RCOR1: variants seen among roughly 807,000 people sequenced by gnomAD.
The protein encoded by RCOR1 is REST corepressor.
In RCOR1, 12 loss-of-function variants were observed where a neutral mutation model predicts 64.0. That is an observed-to-expected ratio of 0.19 (90% CI 0.12 to 0.30). The LOEUF is 0.30. RCOR1 is among the 10% of genes least tolerant of loss of function. The pLI is 1.00. For missense variants in RCOR1, 502 were observed against 621.2 expected (o/e 0.81, Z 2.04); for synonymous variants, 279 against 227.2 (o/e 1.23, Z -2.05).
chr14:102,708,320 T>TC, intron 5 of RCOR1, 145 bp from the exon 6 acceptor site: 1 of 566,122 alleles, frequency 1.8e-6, no homozygotes, highest in Non-Finnish European at 3.2e-6. Context: ...CAGGATGGTC[T>TC]CCATCTCCTG....
At chr14:102,627,299 T>C (rs1022297499) in intron 2 of RCOR1, among the ~76,000 whole-genome samples, 1 of 152,222 alleles carries the variant, frequency 6.6e-6, no homozygotes, top group Non-Finnish European at 1.5e-5. Context: ...ATTTGCATCA[T>C]CAAATTTTTC....
At chr14:102,692,155 C>T (rs1441837748) in intron 3 of RCOR1, among the ~76,000 whole-genome samples, 1 of 152,048 alleles carries the variant, frequency 6.6e-6, no homozygotes, top group African/African-American at 2.4e-5. Context: ...TGTTATGAAA[C>T]AAATATTCCC....
At chr14:102,665,839 C>T (rs1160579060) in intron 2 of RCOR1, among the ~76,000 whole-genome samples, 1 of 152,122 alleles carries the variant, frequency 6.6e-6, no homozygotes, top group Admixed American at 6.6e-5. Flanking sequence ...AAGTGGTTAG[C>T]CCAGTTACTG....
chr14:102,716,715 T>C (rs1019555363), intron 8 of RCOR1, among the ~76,000 whole-genome samples: 2 of 151,950 alleles, frequency 1.3e-5, no homozygotes, highest in Non-Finnish European at 2.9e-5. Flanking sequence ...TTGTCCATCC[T>C]TCACCAATAC....
At chr14:102,713,227 T>C (rs1411519533) in intron 7 of RCOR1, among the ~76,000 whole-genome samples, 11 of 151,292 alleles carry the variant, frequency 7.3e-5, no homozygotes, top group Non-Finnish European at 1.5e-4. Context: ...GTGCTGAGAT[T>C]ACAGCCGTGA....
chr14:102,655,524 T>A, intron 2 of RCOR1: 1 of 966,342 alleles, frequency 1.0e-6, no homozygotes, highest in South Asian at 4.8e-5. Context: ...AGGTATCTAT[T>A]AATAGTTCAG....
At chr14:102,657,151 T>TAC (rs10656228) in intron 2 of RCOR1, 313,322 of 984,050 alleles carry the variant, frequency 0.32, 51,901 homozygotes, top group African/African-American at 0.54. Context: ...CCAAAACACA[T>TAC]AGGGTAGAAA....
chr14:102,703,321 C>T (rs1430662288), intron 4 of RCOR1, among the ~76,000 whole-genome samples: 3 of 152,166 alleles, frequency 2.0e-5, no homozygotes, highest in African/African-American at 2.4e-5. Flanking sequence ...CCAAAAATTT[C>T]GCAAATTTGT....
In RCOR1 at chr14:102,653,536, A is replaced by G. The variant is rs114226907; in HGVS notation, c.362-28359A>G. On this transcript the variant is annotated intron_variant, in intron 2 of 11. Transcript: ENST00000262241. ...CCTAAAAGGCTTGTGTTAGATGTTT[A>G]TAGCTGATAGTTGTGGTTTGAATCT... Among the ~76,000 whole-genome samples the G allele has an allele frequency of 9.4e-3, 1,428 of 152,188 alleles. 24 individuals are homozygous for G. Among genetic ancestry groups the G allele is most frequent in the African/African-American group, 0.033 (1,352 of 41,530 alleles).
chr14:102,690,126 G>A (rs910700852), intron 3 of RCOR1, among the ~76,000 whole-genome samples: 3 of 151,700 alleles, frequency 2.0e-5, no homozygotes, highest in African/African-American at 7.3e-5. Context: ...TTAAAGTTGT[G>A]TCAAAAGACA....
chr14:102,706,114 C>CAAAAAAAAAAAAAAAAAAAAAAAA (rs71119732), intron 4 of RCOR1, among the ~76,000 whole-genome samples: 1 of 21,330 alleles, frequency 4.7e-5, no homozygotes, highest in Non-Finnish European at 7.5e-5. Context: ...AACCCTGTCT[C>CAAAAAAAAAAAAAAAAAAAAAAAA]AAAAAAAAAA....
rs968655083 is a variant in RCOR1 at position 102,657,286 on chromosome 14, A to T, written c.362-24609A>T. The stretch of plus-strand genomic sequence containing the variant: ...CCCACCTGTATGTATGCTTTTGGTG[A>T]GTCCTTTTAGGCGATATGTCCTCAT... On this transcript the variant is annotated intron_variant, in intron 2 of 11. Coordinates refer to ENST00000262241, the MANE Select transcript of RCOR1 (RefSeq NM_015156.4). The T allele has an allele frequency of 2.0e-5, 20 of 985,176 alleles. No homozygotes were observed. In the African/African-American group the frequency reaches 3.1e-4, roughly 16 times the overall value. 61.0% of individuals were successfully genotyped at this position (985,176 alleles called of 1,614,324 possible).
chr14:102,723,853 C>CTA (rs1255808438), intron 11 of RCOR1, among the ~76,000 whole-genome samples: 1 of 152,178 alleles, frequency 6.6e-6, no homozygotes, highest in Non-Finnish European at 1.5e-5. Flanking sequence ...AACGCTGGCT[C>CTA]TATTCCCTCT....
chr14:102,593,639 A>G (rs1384419470), intron 2 of RCOR1, among the ~76,000 whole-genome samples: 1 of 152,152 alleles, frequency 6.6e-6, no homozygotes, highest in Admixed American at 6.5e-5. Flanking sequence ...CCCTGCGTCC[A>G]GGTGAGCTGC....
intron 2 of RCOR1, chr14:102,657,373 G>A (rs1216139874): frequency 4.1e-6 from 4 of 985,154 alleles, no homozygotes; most frequent in South Asian, 4.7e-5. Flanking sequence ...ATTTAAGACC[G>A]ATTTACTTCT....
At chr14:102,681,346 C>T (rs74399995) in intron 2 of RCOR1, among the ~76,000 whole-genome samples, 10,158 of 152,224 alleles carry the variant, frequency 0.067, 465 homozygotes, top group Middle Eastern at 0.13. Flanking sequence ...AGATGACAGC[C>T]GCTTGCGGTT....
chr14:102,694,251 T>C (rs1219710701), intron 3 of RCOR1, among the ~76,000 whole-genome samples: 1 of 152,090 alleles, frequency 6.6e-6, no homozygotes, highest in East Asian at 1.9e-4. Context: ...CACTAAGAAA[T>C]AGCTTTAAAA....
intron 2 of RCOR1, chr14:102,655,693 C>A: frequency 4.6e-6 from 1 of 217,530 alleles, no homozygotes; most frequent in Non-Finnish European, 7.8e-6. Flanking sequence ...TGGCTCATAC[C>A]TGTAATCCTA....
In RCOR1 at chr14:102,728,607, G is replaced by T. The variant is rs1222583430; in HGVS notation, c.*2101G>T. ...TATCTCTGTTAAGGAAAATAGCCTGGTCCCTCCTGGCAGTGCTTGGAAGCT... is the reference window on the plus strand; with the variant it reads ...TATCTCTGTTAAGGAAAATAGCCTGTTCCCTCCTGGCAGTGCTTGGAAGCT... On this transcript the variant is annotated 3_prime_UTR_variant, in exon 12 of 12. Coordinates refer to ENST00000262241, the MANE Select transcript of RCOR1 (RefSeq NM_015156.4). 1 of 152,104 alleles carries T rather than the reference G, an allele frequency of 6.6e-6. No homozygotes were observed. Among genetic ancestry groups the T allele is most frequent in the Non-Finnish European group, 1.5e-5 (1 of 68,032 alleles). The allele number at this position is 152,104 out of a possible 1,614,324, so 9.4% of individuals were successfully genotyped here. A position where few individuals can be genotyped will look rare whatever the true frequency, so the allele number is the denominator to read the frequency against.
Sources: allele counts gnomAD v4.1 joint callset (sites outside exome capture counted in the v4.1 genomes callset), GRCh38; gene constraint gnomAD v4.1.1; transcripts MANE v1.5; gene names NCBI Gene and HGNC (gene_info 2026-07-23, HGNC 2026-07-21).